The following DPP4 variants were observed in gnomAD, a reference collection of about 807,000 sequenced individuals.
DPP4 encodes ADCP-2.
Under a neutral mutation model 122.4 loss-of-function variants are expected in DPP4, and 93 were observed. That is an observed-to-expected ratio of 0.76 (90% CI 0.64 to 0.90). The LOEUF (loss-of-function observed/expected upper bound fraction) is 0.90. Ranked by LOEUF, DPP4 falls within the 40% of genes least tolerant of loss-of-function variation. DPP4 has a pLI of 0.00. For missense variants in DPP4, 914 were observed against 907.3 expected, an observed-to-expected ratio of 1.01 and a Z score of -0.09; for synonymous variants, 321 against 302.9, an observed-to-expected ratio of 1.06 and a Z score of -0.62.
rs139729013 is a variant in DPP4, at chr2:162,066,777, G to A, written c.94+6622C>T. On this transcript the variant is annotated intron_variant, in intron 2 of 25. Coordinates refer to ENST00000360534, the MANE Select transcript of DPP4 (RefSeq NM_001935.4). Reference sequence around the variant, plus strand: ...GCTTCTACTTATAGCAGAAGGTGAAGGGGAGGCTGGCATGTGCAGAGATCA... The same window carrying A: ...GCTTCTACTTATAGCAGAAGGTGAAAGGGAGGCTGGCATGTGCAGAGATCA... 7.3e-3 allele frequency among the ~76,000 whole-genome samples: 1,119 copies of A among 152,318 alleles called. 6 individuals are homozygous for A. The highest frequency in any genetic ancestry group is 0.011 in the Non-Finnish European group (750 of 68,022).
intron 4 of DPP4, chr2:162,046,648 G>A: frequency 5.6e-6 from 3 of 539,140 alleles, no homozygotes; most frequent in South Asian, 4.6e-5. Context: ...CCAAAGGAGA[G>A]CATGCAAAGT....
At position 162,035,334 on chromosome 2, in the gene DPP4, G is replaced by T. The variant is rs1683731270; in HGVS notation, c.614-10C>A. ...GCACTGAAGACTTCCTCTGAAAAAAGACACAAATTGTTCTGTTACAAGAAG... is the reference window on the plus strand; with the variant it reads ...GCACTGAAGACTTCCTCTGAAAAAATACACAAATTGTTCTGTTACAAGAAG... On this transcript the variant is annotated splice_polypyrimidine_tract_variant and intron_variant, in intron 8 of 25. Coordinates refer to ENST00000360534, the MANE Select transcript of DPP4 (RefSeq NM_001935.4). 1.2e-6 allele frequency: 2 copies of T among 1,609,552 alleles called. No homozygotes were observed. The highest frequency in any genetic ancestry group is 4.5e-5 in the East Asian group (2 of 44,830).
rs749696725 is a variant in DPP4 at position 162,038,253 on chromosome 2, T to A, written c.613+49A>T. ...CATTGCAAAAGAAACATTTAACTAT[T>A]TTAAAAGCTTATAGATTTTCTGATT... On this transcript the variant is annotated intron_variant, in intron 8 of 25. Coordinates refer to ENST00000360534, the MANE Select transcript of DPP4 (RefSeq NM_001935.4). 3 of 1,475,304 alleles carry A rather than the reference T, an allele frequency of 2.0e-6. No individual in the cohort carries two copies. In the South Asian group the frequency reaches 4.0e-5, roughly 20 times the overall value. The allele number at this position is 1,475,304 out of a possible 1,614,324, so 91.4% of individuals were successfully genotyped here.
intron 3 of DPP4, 100 bp downstream of exon 3, chr2:162,047,303 A>G (rs1467405924): frequency 1.5e-6 from 1 of 666,066 alleles, no homozygotes; most frequent in Admixed American, 2.9e-5. Flanking sequence ...GAATTTTTAA[A>G]AACAAGGATT....
chr2:162,031,327 C>T (rs769883371), intron 10 of DPP4, among the ~76,000 whole-genome samples: 4 of 152,208 alleles, frequency 2.6e-5, no homozygotes, highest in Non-Finnish European at 4.4e-5. Context: ...AAGGACTAGA[C>T]CTGCCAAAAC....
intron 11 of DPP4, among the ~76,000 whole-genome samples, chr2:162,023,720 G>A (rs1305260491): frequency 6.6e-6 from 1 of 152,116 alleles, no homozygotes; most frequent in African/African-American, 2.4e-5. Flanking sequence ...GGTACAATGA[G>A]GTATTATGAG....
chr2:162,024,146 GGCATAT>G (rs1487116642), intron 11 of DPP4, among the ~76,000 whole-genome samples: 1 of 152,206 alleles, frequency 6.6e-6, no homozygotes, highest in Non-Finnish European at 1.5e-5. Context: ...AGGTATCCTT[GGCATAT>G]GCCAGCAAAC....
At chr2:162,017,195 T>A (rs1428326423) in intron 16 of DPP4, 40 bp from the exon 17 acceptor site, 7 of 1,573,386 alleles carry the variant, frequency 4.4e-6, no homozygotes, top group Non-Finnish European at 5.2e-6. Flanking sequence ...GGATGAATAC[T>A]TTTTTAGAAA....
chr2:162,017,115 A>ATTCACGC lies in DPP4; in HGVS notation c.1454_1460dup (p.Asn487LysfsTer4). The ATTCACGC allele has an allele frequency of 6.2e-7, 1 of 1,612,190 alleles. No homozygotes were observed. The highest frequency in any genetic ancestry group is 8.5e-7 in the Non-Finnish European group (1 of 1,179,724). On this transcript the variant is annotated frameshift_variant, in exon 17 of 26. Transcript: ENST00000360534. LOFTEE classifies it high-confidence loss of function. ...TAAAATATGAGAAAATACCTTTATC[A>ATTCACGC]TTCACGCTGCTGTGTAGAGTATAGA...
intron 2 of DPP4, among the ~76,000 whole-genome samples, chr2:162,052,845 A>G (rs1441211354): frequency 6.6e-6 from 1 of 152,080 alleles, no homozygotes; most frequent in Non-Finnish European, 1.5e-5. Context: ...GCAGTAAAGG[A>G]CCCTTTTGAT....
intron 5 of DPP4, among the ~76,000 whole-genome samples, 167 bp downstream of exon 5, chr2:162,045,365 G>T (rs948652829): frequency 6.6e-6 from 1 of 152,088 alleles, no homozygotes; most frequent in Non-Finnish European, 1.5e-5. Context: ...TTAAAACACT[G>T]AACTTGTCTT....
chr2:162,013,679 T>A (rs1682795116), intron 19 of DPP4, among the ~76,000 whole-genome samples: 1 of 152,168 alleles, frequency 6.6e-6, no homozygotes, highest in African/African-American at 2.4e-5. Context: ...GGCAGGTCCC[T>A]GCACTAGTGT....
At chr2:162,046,893 T>C (rs762453311) in intron 4 of DPP4, 22 bp downstream of exon 4, 14 of 1,465,252 alleles carry the variant, frequency 9.6e-6, no homozygotes, top group Non-Finnish European at 1.2e-5. Flanking sequence ...TATGCATGAA[T>C]TAATTACGTG....
rs538420868 is a variant in DPP4, at chr2:162,017,230, A to G, written c.1421-75T>C. The G allele has an allele frequency of 1.2e-4, 160 of 1,284,748 alleles. No individual in the cohort carries two copies. In the East Asian group the frequency reaches 3.3e-3, roughly 26 times the overall value. 79.6% of individuals were successfully genotyped at this position (1,284,748 alleles called of 1,614,324 possible). A position where few individuals can be genotyped will look rare whatever the true frequency, so the allele number is the denominator to read the frequency against. On this transcript the variant is annotated intron_variant, in intron 16 of 25. Coordinates refer to ENST00000360534, the MANE Select transcript of DPP4 (RefSeq NM_001935.4). ...AAGATAGTATAGATGACTTTTCAAA[A>G]ATACCATTTGTTACCATTTAACTTT... is the stretch of plus-strand genomic sequence containing the variant.
At position 162,038,815 on chromosome 2, in the gene DPP4, T is replaced by C. The variant is rs1336098926; in HGVS notation, c.492+134A>G. ...AGTTCAGCTGCAGACAAACATTAGA[T>C]CCTGGGCAATAACACTATGTTCTAT... On this transcript the variant is annotated intron_variant, in intron 7 of 25. Coordinates refer to ENST00000360534, the MANE Select transcript of DPP4 (RefSeq NM_001935.4). The C allele has an allele frequency of 2.9e-5, 23 of 782,180 alleles. No homozygotes were observed. In the South Asian group the frequency reaches 4.0e-4, roughly 14 times the overall value. 48.5% of individuals were successfully genotyped at this position (782,180 alleles called of 1,614,324 possible).
chr2:162,036,253 A>G (rs919359644), intron 8 of DPP4, among the ~76,000 whole-genome samples: 2 of 152,200 alleles, frequency 1.3e-5, no homozygotes, highest in African/African-American at 4.8e-5. Flanking sequence ...ATGCATTCTA[A>G]TCAGTTTTCA....
In DPP4 at chr2:161,993,139, G is replaced by A. The variant is rs201124496; in HGVS notation, c.*144C>T. ...AGTCCCTACTTAAGATGATAGGTAT[G>A]AAATTTGGGAACAAAGGTAACCTTA... On this transcript the variant is annotated 3_prime_UTR_variant, in exon 26 of 26. Transcript: ENST00000360534. The A allele has an allele frequency of 1.6e-6, 1 of 623,160 alleles. No individual in the cohort carries two copies. Among genetic ancestry groups the A allele is most frequent in the Non-Finnish European group, 2.8e-6 (1 of 354,350 alleles). The allele number at this position is 623,160 out of a possible 1,614,324, so 38.6% of individuals were successfully genotyped here.
intron 2 of DPP4, among the ~76,000 whole-genome samples, chr2:162,058,738 A>G (rs918667127): frequency 3.9e-5 from 6 of 152,210 alleles, no homozygotes; most frequent in African/African-American, 1.4e-4. Flanking sequence ...TAACTACTCA[A>G]GTCTGCCATT....
In DPP4 at chr2:162,034,304, G is replaced by GT. The variant is rs1182372117; in HGVS notation, c.775-652dup. Reference sequence around the variant, plus strand: ...ATTTTTAGTGAGAACACTTTATGGAGTTTTTTTTGTATGTGCCAGTTTCGC... The same window carrying GT: ...ATTTTTAGTGAGAACACTTTATGGAGTTTTTTTTTGTATGTGCCAGTTTCGC... On this transcript the variant is annotated intron_variant, in intron 9 of 25. Coordinates refer to ENST00000360534, the MANE Select transcript of DPP4 (RefSeq NM_001935.4). Among the ~76,000 whole-genome samples, 11 of 151,906 alleles carry GT rather than the reference G, an allele frequency of 7.2e-5. No individual in the cohort carries two copies. The South Asian group carries it at 1.9e-3, about 26-fold the overall frequency.
Sources: gnomAD v4.1 joint callset for allele counts (sites outside exome capture counted in the v4.1 genomes callset) on GRCh38, gnomAD v4.1.1 for gene constraint, MANE v1.5 for transcripts, NCBI Gene and HGNC (gene_info 2026-07-23, HGNC 2026-07-21) for gene names.